KCNAB1: variants seen among roughly 807,000 people sequenced by gnomAD.
KCNAB1 encodes voltage-gated potassium channel subunit beta-1.
In KCNAB1, 35 loss-of-function variants were observed where a neutral mutation model predicts 64.6. The ratio of observed to expected loss-of-function variants is 0.54; its 90% CI spans 0.41 to 0.72. The LOEUF (loss-of-function observed/expected upper bound fraction) is 0.72. Ranked by LOEUF, KCNAB1 falls within the 30% of genes least tolerant of loss-of-function variation. The pLI is 0.00. For missense variants in KCNAB1, 401 were observed against 512.9 expected, an observed-to-expected ratio of 0.78 and a Z score of 2.11; for synonymous variants, 177 against 183.8, an observed-to-expected ratio of 0.96 and a Z score of 0.30.
intron 1 of KCNAB1, chr3:156,143,268 G>A (rs541943248): frequency 1.2e-6 from 2 of 1,613,894 alleles, no homozygotes; most frequent in Admixed American, 1.7e-5. Context: ...AATGTAGATG[G>A]CACCTAGCAG....
At chr3:156,406,222 TC>T (rs1190452784) in intron 1 of KCNAB1, among the ~76,000 whole-genome samples, 1 of 152,194 alleles carries the variant, frequency 6.6e-6, no homozygotes, top group African/African-American at 2.4e-5. Flanking sequence ...GAATGGGGCT[TC>T]TAATGAGCAT....
At chr3:156,457,219 G>A (rs1712502027) in intron 3 of KCNAB1, 2 of 1,326,330 alleles carry the variant, frequency 1.5e-6, no homozygotes, top group Non-Finnish European at 1.9e-6. Flanking sequence ...ACTTTGGGCA[G>A]GCTAAATCCC....
intron 8 of KCNAB1, among the ~76,000 whole-genome samples, chr3:156,477,209 G>A (rs1459416902): frequency 6.6e-6 from 1 of 152,126 alleles, no homozygotes. Context: ...AATTGCTGCT[G>A]CCCAGTGGAG....
At chr3:156,362,684 A>C (rs1007499609) in intron 1 of KCNAB1, among the ~76,000 whole-genome samples, 2 of 152,156 alleles carry the variant, frequency 1.3e-5, no homozygotes, top group African/African-American at 2.4e-5. Flanking sequence ...TATTGTTTTT[A>C]TTGCTATTAT....
chr3:156,184,522 A>G (rs1713069514), intron 1 of KCNAB1, among the ~76,000 whole-genome samples: 1 of 152,208 alleles, frequency 6.6e-6, no homozygotes, highest in African/African-American at 2.4e-5. Flanking sequence ...TTGCCAGTGG[A>G]GACAGAGGAA....
intron 1 of KCNAB1, among the ~76,000 whole-genome samples, chr3:156,205,648 C>G (rs531286572): frequency 6.6e-6 from 1 of 152,144 alleles, no homozygotes; most frequent in Non-Finnish European, 1.5e-5. Flanking sequence ...CTAAACTACC[C>G]GCTCCTTCCT....
intron 1 of KCNAB1, among the ~76,000 whole-genome samples, chr3:156,148,823 C>G (rs766627480): frequency 6.0e-5 from 9 of 151,034 alleles, no homozygotes; most frequent in Non-Finnish European, 1.3e-4. Flanking sequence ...CTGAACATAT[C>G]ACCCTCCTTT....
At chr3:156,503,178 G>A (rs1576948706) in intron 8 of KCNAB1, among the ~76,000 whole-genome samples, 2 of 152,260 alleles carry the variant, frequency 1.3e-5, no homozygotes, top group African/African-American at 2.4e-5. Context: ...AGTAGAAAAC[G>A]GTGGGGCTAT....
At chr3:156,317,231 C>G (rs1722330456) in intron 1 of KCNAB1, among the ~76,000 whole-genome samples, 1 of 152,120 alleles carries the variant, frequency 6.6e-6, no homozygotes, top group African/African-American at 2.4e-5. Flanking sequence ...ATCCACAGGA[C>G]TAATTCATAG....
rs1011965373 is a variant in KCNAB1, at chr3:156,284,615, C to T, written c.276-137001C>T. On this transcript the variant is annotated intron_variant, in intron 1 of 13. Transcript: ENST00000490337. The stretch of plus-strand genomic sequence containing the variant: ...CTCAGACTGCTGTGCTAGCAATCAG[C>T]GAGACTCCGTGGGCATAGGACCCTC... Among the ~76,000 whole-genome samples the T allele has an allele frequency of 3.3e-5, 5 of 152,296 alleles. No homozygotes were observed. In the East Asian group the frequency reaches 5.8e-4, roughly 18 times the overall value.
intron 1 of KCNAB1, among the ~76,000 whole-genome samples, chr3:156,221,856 A>C (rs1715784971): frequency 6.6e-6 from 1 of 151,574 alleles, no homozygotes; most frequent in Non-Finnish European, 1.5e-5. Flanking sequence ...TTTTCCAGAC[A>C]AGCAAACACT....
At chr3:156,303,184 A>G (rs1022088756) in intron 1 of KCNAB1, among the ~76,000 whole-genome samples, 1 of 152,222 alleles carries the variant, frequency 6.6e-6, no homozygotes, top group Non-Finnish European at 1.5e-5. Context: ...AGTTCTTTCC[A>G]AAGACCTACA....
intron 7 of KCNAB1, among the ~76,000 whole-genome samples, chr3:156,469,423 A>T (rs770921629): frequency 2.0e-5 from 3 of 151,418 alleles, no homozygotes; most frequent in Non-Finnish European, 2.9e-5. Context: ...TGCCCAGCTA[A>T]TTTTTTTGTA....
chr3:156,485,250 TCCC>T (rs1715114313), intron 8 of KCNAB1, among the ~76,000 whole-genome samples: 1 of 152,120 alleles, frequency 6.6e-6, no homozygotes, highest in Non-Finnish European at 1.5e-5. Flanking sequence ...AGCTCTTTCT[TCCC>T]CCAACTTTTT....
chr3:156,121,900 T>C (rs185921233), intron 1 of KCNAB1, among the ~76,000 whole-genome samples: 233 of 152,362 alleles, frequency 1.5e-3, no homozygotes, highest in Middle Eastern at 3.4e-3. Flanking sequence ...GAAAAACTTA[T>C]TTAGTAATTG....
chr3:156,299,243 C>A (rs887558643), intron 1 of KCNAB1, among the ~76,000 whole-genome samples: 2 of 152,210 alleles, frequency 1.3e-5, no homozygotes, highest in South Asian at 2.1e-4. Flanking sequence ...CTAGAAAGGA[C>A]AATTCCCTTC....
At chr3:156,509,341 G>A (rs1196059391) in intron 8 of KCNAB1, among the ~76,000 whole-genome samples, 1 of 152,036 alleles carries the variant, frequency 6.6e-6, no homozygotes. Context: ...TCTGGGGTGA[G>A]GCCCTGGGAT....
chr3:156,237,303 T>G (rs1297758525), intron 1 of KCNAB1, among the ~76,000 whole-genome samples: 1 of 152,252 alleles, frequency 6.6e-6, no homozygotes, highest in Non-Finnish European at 1.5e-5. Context: ...ATTGCCATTT[T>G]TTTCTTTGAA....
chr3:156,188,470 A>G (rs1430147548), intron 1 of KCNAB1, among the ~76,000 whole-genome samples: 1 of 152,200 alleles, frequency 6.6e-6, no homozygotes, highest in African/African-American at 2.4e-5. Context: ...TTTAATTTAA[A>G]AAATTGATTC....
Sources: gnomAD v4.1 joint callset for allele counts (sites outside exome capture counted in the v4.1 genomes callset) on GRCh38, gnomAD v4.1.1 for gene constraint, MANE v1.5 for transcripts, NCBI Gene and HGNC (gene_info 2026-07-23, HGNC 2026-07-21) for gene names.